The following CHST13 variants were observed in gnomAD, a reference collection of about 807,000 sequenced individuals.
CHST13 encodes the protein carbohydrate sulfotransferase 13.
CHST13 carries 1 observed loss-of-function variant against 7.0 expected under a neutral mutation model. That is an observed-to-expected ratio of 0.14 (90% CI 0.05 to 0.68). CHST13 has a LOEUF of 0.68. Ranked by LOEUF, CHST13 falls within the 30% of genes least tolerant of loss-of-function variation. The pLI is 0.82. For synonymous variants in CHST13, 257 were observed against 240.9 expected, an observed-to-expected ratio of 1.07 and a Z score of -0.62; for missense variants, 572 against 507.9, an observed-to-expected ratio of 1.13 and a Z score of -1.21.
intron 2 of CHST13, among the ~76,000 whole-genome samples, chr3:126,538,528 TGGGCTCATGCCCTGACACAGCC>T (rs1936850530): frequency 6.6e-6 from 1 of 152,344 alleles, no homozygotes; most frequent in East Asian, 1.9e-4. Context: ...TCCCTGAAGC[TGGGCTCATGCCCTGACACAGCC>T]GGGGTCGGCC....
In CHST13 at chr3:126,542,634, G is replaced by T; in HGVS notation, c.*56G>T. The T allele has an allele frequency of 7.1e-7, 1 of 1,413,468 alleles. No individual in the cohort carries two copies. The highest frequency in any genetic ancestry group is 2.9e-5 in the East Asian group (1 of 34,122). 87.6% of individuals were successfully genotyped at this position (1,413,468 alleles called of 1,614,324 possible). A position where few individuals can be genotyped will look rare whatever the true frequency, so the allele number is the denominator to read the frequency against. On this transcript the variant is annotated 3_prime_UTR_variant, in exon 3 of 3. Coordinates refer to ENST00000319340, the MANE Select transcript of CHST13 (RefSeq NM_152889.3). ...CAAGTGCCTTTCCGACAAGACCCCC[G>T]GGGAATGCAGGTGCTGCCGGCCCCA...
intron 1 of CHST13, among the ~76,000 whole-genome samples, chr3:126,530,102 A>G (rs373732194): frequency 6.6e-6 from 1 of 152,196 alleles, no homozygotes; most frequent in Non-Finnish European, 1.5e-5. Flanking sequence ...AGGATCCTCA[A>G]GATACCCCCC....
At chr3:126,535,607 C>T (rs1057481578) in intron 1 of CHST13, among the ~76,000 whole-genome samples, 42 of 151,902 alleles carry the variant, frequency 2.8e-4, no homozygotes, top group African/African-American at 9.9e-4. Context: ...GACAGCCGGA[C>T]AGCATCACTT....
rs1463783300 is a variant in CHST13, at chr3:126,542,231, G to C, written c.679G>C (p.Glu227Gln). 4 of 1,510,310 alleles carry C rather than the reference G, an allele frequency of 2.6e-6. No homozygotes were observed. In the African/African-American group the frequency reaches 4.3e-5, roughly 16 times the overall value. The allele number at this position is 1,510,310 out of a possible 1,614,324, so 93.6% of individuals were successfully genotyped here. ...RARGHDVRFAEFLAYLLDPRT... is the reference protein window; with the variant it reads ...RARGHDVRFAQFLAYLLDPRT... ...CCGCGGCCACGACGTGCGCTTCGCG[G>C]AGTTCCTGGCCTACCTGCTGGACCC... Residue 227 changes from glutamate to glutamine, a missense_variant, in exon 3 of 3, where the codon GAG (glutamate) becomes CAG (glutamine). Coordinates refer to ENST00000319340, the MANE Select transcript of CHST13 (RefSeq NM_152889.3).
intron 1 of CHST13, among the ~76,000 whole-genome samples, chr3:126,532,703 A>G (rs896239001): frequency 1.3e-5 from 2 of 152,206 alleles, no homozygotes; most frequent in Non-Finnish European, 1.5e-5. Context: ...AGGAAATGTG[A>G]ATCCTCTAAC....
intron 1 of CHST13, among the ~76,000 whole-genome samples, chr3:126,534,954 CCCAGCCGGAGACAGACCAGCA>C (rs1936737555): frequency 1.4e-5 from 2 of 146,594 alleles, no homozygotes; most frequent in African/African-American, 2.5e-5. Flanking sequence ...CATCCCTGTC[CCCAGCCGGAGACAGACCAGCA>C]TCCCTGTCCC....
In CHST13 at chr3:126,542,048, G is replaced by A. The variant is rs200849667; in HGVS notation, c.496G>A (p.Ala166Thr). The A allele has an allele frequency of 2.9e-3, 4,530 of 1,575,578 alleles. 190 individuals are homozygous for A. The Admixed American group carries it at 0.066, about 23-fold the overall frequency. ...CGCCGAGATCAACCGGCGCCTGCGC[G>A]CCTACTTGGCCTTCCTGTTCGTGCG... ...SPAEINRRLR[A>T]YLAFLFVREP... is the part of the protein sequence containing the mutation. The change falls in exon 3 of 3, where the codon GCC becomes ACC. Residue 166 changes from alanine to threonine, a missense_variant. Coordinates refer to ENST00000319340, the MANE Select transcript of CHST13 (RefSeq NM_152889.3).
At position 126,542,002 on chromosome 3, in the gene CHST13, C is replaced by T. The variant is rs1021589837; in HGVS notation, c.450C>T (p.Pro150=). ...AGGCGCACGCGCCTGGCCGCCTGCC[C>T]TCACTGGCCGACTTCAGCCCCGCCG... ...AQEAHAPGRL[P]SLADFSPAEI... Residue 150 remains proline, a synonymous_variant, in exon 3 of 3, where the codon CCC becomes CCT. Coordinates refer to ENST00000319340, the MANE Select transcript of CHST13 (RefSeq NM_152889.3). 11 of 1,561,434 alleles carry T rather than the reference C, an allele frequency of 7.0e-6. No individual in the cohort carries two copies. Among genetic ancestry groups the T allele is most frequent in the South Asian group, 1.2e-5 (1 of 86,128 alleles).
At chr3:126,536,210 C>T in intron 1 of CHST13, 61 bp from the exon 2 acceptor site, 1 of 1,483,242 alleles carries the variant, frequency 6.7e-7, no homozygotes, top group Non-Finnish European at 9.4e-7. Context: ...GTTGGCCAAA[C>T]CCCCAGGTCC....
chr3:126,529,214 T>G (rs1936598047), intron 1 of CHST13: 1 of 854,396 alleles, frequency 1.2e-6, no homozygotes, highest in African/African-American at 1.7e-5. Context: ...GTTTCTAGTG[T>G]GGTGTTTCAC....
intron 2 of CHST13, among the ~76,000 whole-genome samples, chr3:126,538,411 T>C (rs1338973487): frequency 1.3e-5 from 2 of 152,134 alleles, no homozygotes; most frequent in Non-Finnish European, 2.9e-5. Context: ...TTCCTGGGAG[T>C]CATCTGGCTA....
chr3:126,542,043 TGC>T lies in CHST13; in HGVS notation c.496_497del (p.Ala166LeufsTer74). On this transcript the variant is annotated frameshift_variant, in exon 3 of 3. Transcript: ENST00000319340. LOFTEE classifies it low-confidence loss of function (END_TRUNC). ...AGCCCCGCCGAGATCAACCGGCGCCTGCGCGCCTACTTGGCCTTCCTGTTCGT... is the reference window on the plus strand; with the variant it reads ...AGCCCCGCCGAGATCAACCGGCGCCTGCGCCTACTTGGCCTTCCTGTTCGT... 1 of 1,575,474 alleles carries T rather than the reference TGC, an allele frequency of 6.3e-7. No individual in the cohort carries two copies. The highest frequency in any genetic ancestry group is 8.6e-7 in the Non-Finnish European group (1 of 1,165,264).
chr3:126,524,589 C>T (rs770077592), intron 1 of CHST13, among the ~76,000 whole-genome samples, 160 bp downstream of exon 1: 1 of 152,226 alleles, frequency 6.6e-6, no homozygotes, highest in Non-Finnish European at 1.5e-5. Flanking sequence ...CACAGAAAGG[C>T]TCTAGACGCC....
At position 126,524,285 on chromosome 3, in the gene CHST13, C is replaced by T. The variant is rs969057585; in HGVS notation, c.-48C>T. The T allele has an allele frequency of 4.1e-6, 5 of 1,215,772 alleles. No individual in the cohort carries two copies. In the East Asian group the frequency reaches 1.4e-4, roughly 33 times the overall value. 75.3% of individuals were successfully genotyped at this position (1,215,772 alleles called of 1,614,324 possible). ...GGGTCCTGGGCCAGTGCAACTCCGCCCCCAGCCGTATCCAGCGGACTGTCC... is the reference window on the plus strand; with the variant it reads ...GGGTCCTGGGCCAGTGCAACTCCGCTCCCAGCCGTATCCAGCGGACTGTCC... On this transcript the variant is annotated 5_prime_UTR_variant, in exon 1 of 3. Transcript: ENST00000319340.
chr3:126,529,348 G>T, intron 1 of CHST13: 3 of 1,289,318 alleles, frequency 2.3e-6, no homozygotes, highest in Non-Finnish European at 3.0e-6. Flanking sequence ...TTTCCTCATG[G>T]GTCAGTGAAA....
chr3:126,534,553 C>A (rs1416485969), intron 1 of CHST13, among the ~76,000 whole-genome samples: 1 of 150,226 alleles, frequency 6.7e-6, no homozygotes, highest in Admixed American at 6.6e-5. Flanking sequence ...AGACAGCATC[C>A]CTGTCCTCAG....
At chr3:126,541,176 C>T (rs1405720190) in intron 2 of CHST13, among the ~76,000 whole-genome samples, 1 of 152,174 alleles carries the variant, frequency 6.6e-6, no homozygotes, top group Non-Finnish European at 1.5e-5. Context: ...GAGGGACAGG[C>T]TCAGAAGGGG....
intron 2 of CHST13, among the ~76,000 whole-genome samples, chr3:126,538,866 G>A (rs1230792758): frequency 1.3e-5 from 2 of 152,118 alleles, no homozygotes; most frequent in African/African-American, 2.4e-5. Context: ...TCTCAAAATG[G>A]TGAGATTTTA....
At chr3:126,529,248 G>C in intron 1 of CHST13, 3 of 1,134,302 alleles carry the variant, frequency 2.6e-6, no homozygotes, top group South Asian at 2.6e-5. Context: ...TGGCAGAGGA[G>C]GCCTTGCAAC....
Sources: gnomAD v4.1 joint callset for allele counts (sites outside exome capture counted in the v4.1 genomes callset) on GRCh38, gnomAD v4.1.1 for gene constraint, MANE v1.5 for transcripts, NCBI Gene and HGNC (gene_info 2026-07-23, HGNC 2026-07-21) for gene names.